EFHD1: variants seen among roughly 807,000 people sequenced by gnomAD.
EFHD1 encodes EF-hand domain-containing protein D1.
In EFHD1, 10 loss-of-function variants were observed where a neutral mutation model predicts 17.2. The observed-to-expected ratio is 0.58, with a 90% CI of 0.36 to 0.99. The LOEUF is 0.99. Ranked by LOEUF, EFHD1 falls within the 50% of genes least tolerant of loss-of-function variation. The pLI is 0.01. For synonymous variants in EFHD1, 153 were observed against 142.0 expected (o/e 1.08, Z -0.55); for missense variants, 310 against 327.5 (o/e 0.95, Z 0.41).
chr2:232,678,638 C>G (rs1695221113), intron 3 of EFHD1, among the ~76,000 whole-genome samples: 1 of 152,088 alleles, frequency 6.6e-6, no homozygotes, highest in African/African-American at 2.4e-5. Context: ...ACAAAATTAG[C>G]TGGGCGTGTT....
At chr2:232,638,272 G>T in intron 1 of EFHD1, 1 of 459,646 alleles carries the variant, frequency 2.2e-6, no homozygotes, top group East Asian at 7.0e-5. Context: ...CCACTTAAAG[G>T]CAGGACCCCA....
intron 1 of EFHD1, among the ~76,000 whole-genome samples, chr2:232,652,693 C>G (rs140708348): frequency 6.6e-6 from 1 of 152,062 alleles, no homozygotes; most frequent in Non-Finnish European, 1.5e-5. Flanking sequence ...ACTGCAAAGC[C>G]GACCAGTTTT....
upstream of EFHD1, chr2:232,633,581 C>G (rs1559342354): frequency 7.7e-7 from 1 of 1,304,356 alleles, no homozygotes; most frequent in African/African-American, 1.6e-5. Flanking sequence ...CCCTCCCAAC[C>G]GCCGGGTCCC....
chr2:232,635,015 C>G (rs556888265), intron 1 of EFHD1, among the ~76,000 whole-genome samples: 19 of 96,378 alleles, frequency 2.0e-4, no homozygotes, highest in Non-Finnish European at 5.3e-4. Context: ...GCCTGAGCCT[C>G]CGCTGCCCCT....
chr2:232,674,952 G>A (rs1204096505), intron 3 of EFHD1, among the ~76,000 whole-genome samples: 1 of 152,108 alleles, frequency 6.6e-6, no homozygotes, highest in Non-Finnish European at 1.5e-5. Context: ...GGCCGGAGGT[G>A]AAAGCCAAGA....
intron 1 of EFHD1, among the ~76,000 whole-genome samples, chr2:232,627,064 A>T (rs5839443): frequency 0.2 from 18,482 of 91,504 alleles, 2,129 homozygotes; most frequent in South Asian, 0.28. Flanking sequence ...ATATATATAT[A>T]TTTTTTTTTT....
chr2:232,615,994 T>C (rs143112186), intron 1 of EFHD1, among the ~76,000 whole-genome samples: 40 of 152,102 alleles, frequency 2.6e-4, no homozygotes, highest in African/African-American at 9.2e-4. Context: ...GCCCCTAAAA[T>C]ACATTTTTAT....
intron 1 of EFHD1, among the ~76,000 whole-genome samples, chr2:232,643,143 A>G (rs1694463269): frequency 6.6e-6 from 1 of 152,088 alleles, no homozygotes; most frequent in South Asian, 2.1e-4. Flanking sequence ...GGAAAGACCT[A>G]GAGTTCTTCT....
At chr2:232,623,548 C>T (rs1321414097) in intron 1 of EFHD1, among the ~76,000 whole-genome samples, 1 of 151,404 alleles carries the variant, frequency 6.6e-6, no homozygotes, top group Non-Finnish European at 1.5e-5. Context: ...GTGGCAGGTG[C>T]CTGTAATCCC....
At chr2:232,677,272 CAT>C (rs1271585940) in intron 3 of EFHD1, among the ~76,000 whole-genome samples, 31 of 29,942 alleles carry the variant, frequency 1.0e-3, no homozygotes, top group Admixed American at 4.0e-3. Flanking sequence ...ATAACACACA[CAT>C]ACACACACAC....
At chr2:232,649,817 A>G (rs1414676514) in intron 1 of EFHD1, 1 of 152,194 alleles carries the variant, frequency 6.6e-6, no homozygotes, top group Non-Finnish European at 1.5e-5. Flanking sequence ...GTCTCCCCCT[A>G]ACAGAGTCTG....
chr2:232,613,623 C>CACACATAT (rs1553593989), intron 1 of EFHD1, among the ~76,000 whole-genome samples: 15 of 104,080 alleles, frequency 1.4e-4, no homozygotes, highest in South Asian at 1.1e-3. Context: ...CACACACACA[C>CACACATAT]ACACACACAT....
intron 1 of EFHD1, among the ~76,000 whole-genome samples, chr2:232,613,631 CA>C (rs1693848652): frequency 1.5e-5 from 2 of 137,718 alleles, no homozygotes; most frequent in Non-Finnish European, 3.2e-5. Flanking sequence ...CACACACACA[CA>C]TATACACACA....
chr2:232,654,060 AGGTG>A (rs1368457724), intron 1 of EFHD1, among the ~76,000 whole-genome samples: 1 of 151,984 alleles, frequency 6.6e-6, no homozygotes, highest in African/African-American at 2.4e-5. Flanking sequence ...TACAGAAATT[AGGTG>A]GGTGTGGTGG....
At chr2:232,627,079 T>TA (rs1553596268) in intron 1 of EFHD1, among the ~76,000 whole-genome samples, 35 of 132,908 alleles carry the variant, frequency 2.6e-4, no homozygotes, top group African/African-American at 9.4e-4. Flanking sequence ...TTTTTTTTTT[T>TA]AATTAGCCAG....
At chr2:232,640,437 G>A (rs76245437) in intron 1 of EFHD1, among the ~76,000 whole-genome samples, 3,308 of 152,226 alleles carry the variant, frequency 0.022, 128 homozygotes, top group African/African-American at 0.076. Context: ...CTGCTAGTGT[G>A]TGCTCCTGTG....
At chr2:232,628,415 C>T (rs1667019434) in intron 1 of EFHD1, among the ~76,000 whole-genome samples, 1 of 152,170 alleles carries the variant, frequency 6.6e-6, no homozygotes, top group South Asian at 2.1e-4. Flanking sequence ...TGCTCTAAAA[C>T]AAATCAAAAT....
At chr2:232,675,733 C>T (rs1050079699) in intron 3 of EFHD1, among the ~76,000 whole-genome samples, 2 of 151,884 alleles carry the variant, frequency 1.3e-5, no homozygotes, top group African/African-American at 4.8e-5. Flanking sequence ...AATTGTGGGT[C>T]CAATAAGGGT....
intron 1 of EFHD1, among the ~76,000 whole-genome samples, chr2:232,659,430 C>T (rs905949465): frequency 1.3e-5 from 2 of 152,080 alleles, no homozygotes; most frequent in Non-Finnish European, 2.9e-5. Flanking sequence ...AGCTCCTGGG[C>T]ACAGGAGGAC....
Sources: gnomAD v4.1 joint callset for allele counts (sites outside exome capture counted in the v4.1 genomes callset) on GRCh38, gnomAD v4.1.1 for gene constraint, MANE v1.5 for transcripts, NCBI Gene and HGNC (gene_info 2026-07-23, HGNC 2026-07-21) for gene names.